NFKBID: variants seen among roughly 807,000 people sequenced by gnomAD.
NFKBID encodes the protein NFKB inhibitor delta.
Under a neutral mutation model 53.4 loss-of-function variants are expected in NFKBID, and 26 were observed. The ratio of observed to expected loss-of-function variants is 0.49; its 90% CI spans 0.36 to 0.68. NFKBID has a LOEUF of 0.68. NFKBID is among the 30% of genes least tolerant of loss of function. The probability of loss-of-function intolerance (pLI) is 0.00; values close to 1 mark genes in which losing one functional copy is unlikely to be tolerated. For missense variants in NFKBID, 493 were observed against 614.1 expected, an observed-to-expected ratio of 0.80 and a Z score of 2.08; for synonymous variants, 262 against 259.8, an observed-to-expected ratio of 1.01 and a Z score of -0.08.
intron 3 of NFKBID, 78 bp from the exon 4 acceptor site, chr19:35,897,934 C>A: frequency 2.0e-6 from 2 of 993,276 alleles, no homozygotes; most frequent in Non-Finnish European, 1.5e-6. Flanking sequence ...GAGGGCCTGG[C>A]GTCTCCCAAG....
At chr19:35,901,554 C>G (rs1975566846), upstream of NFKBID, 1 of 152,562 alleles carries the variant, frequency 6.6e-6, no homozygotes, top group Non-Finnish European at 1.5e-5. Flanking sequence ...CTATTTCTCC[C>G]CTGCTTGCTT....
chr19:35,896,845 G>A lies in NFKBID; in HGVS notation c.579-14C>T, dbSNP rs770903174. On this transcript the variant is annotated splice_polypyrimidine_tract_variant and intron_variant, in intron 5 of 11. Coordinates refer to ENST00000641389, the Ensembl canonical transcript of NFKBID. This position sits in a 1 kb window ranked among gnomAD's most constrained non-coding sequence, Gnocchi z 5.7. ...AGGTGAAGGAGCCTGAGGACAGGTG[G>A]GGGACAGCCGTGAGAACAGCCCCCA... The A allele has an allele frequency of 1.2e-6, 2 of 1,614,078 alleles. No homozygotes were observed. Among genetic ancestry groups the A allele is most frequent in the South Asian group, 1.1e-5 (1 of 91,072 alleles).
intron 1 of NFKBID, among the ~76,000 whole-genome samples, chr19:35,899,925 C>G (rs962950371): frequency 6.6e-6 from 1 of 152,060 alleles, no homozygotes; most frequent in Non-Finnish European, 1.5e-5. Context: ...GTGGAATCCC[C>G]GCGCAAGGGG....
At chr19:35,888,578 G>T in exon 12 of NFKBID, 5 of 1,571,484 alleles carry the variant, frequency 3.2e-6, no homozygotes, top group Non-Finnish European at 3.5e-6. Flanking sequence ...CAGGCCTGGC[G>T]GCGCCACACG....
At chr19:35,892,990 C>T (rs1434103457) in intron 9 of NFKBID, among the ~76,000 whole-genome samples, 1 of 151,800 alleles carries the variant, frequency 6.6e-6, no homozygotes, top group African/African-American at 2.4e-5. Context: ...CATAGTGAGA[C>T]CCCCCCTCTC....
At chr19:35,900,831 T>TTC (rs1975533487), upstream of NFKBID, among the ~76,000 whole-genome samples, 1 of 125,870 alleles carries the variant, frequency 7.9e-6, no homozygotes, top group East Asian at 2.5e-4. Context: ...TCTTTTCTTT[T>TTC]TTTTTTTTTT....
chr19:35,892,944 C>G lies in NFKBID; in HGVS notation c.1033-2454G>C, dbSNP rs551171881. Among the ~76,000 whole-genome samples the G allele has an allele frequency of 4.6e-5, 7 of 152,278 alleles. No individual in the cohort carries two copies. The South Asian group carries it at 1.5e-3, about 32-fold the overall frequency. On this transcript the variant is annotated intron_variant, in intron 9 of 11. Coordinates refer to ENST00000641389, the Ensembl canonical transcript of NFKBID. The stretch of plus-strand genomic sequence containing the variant: ...ACTTGGGAGGCCAAGGCTGGGGGAT[C>G]ACTTGGGCCCAGGAGTTCGAGACCA...
chr19:35,890,594 T>G (rs778822975), intron 9 of NFKBID, 104 bp from the exon 10 acceptor site: 1 of 825,296 alleles, frequency 1.2e-6, no homozygotes, highest in African/African-American at 1.7e-5. Flanking sequence ...CGGAGTGCGG[T>G]GGTTCACGCC....
chr19:35,899,088 G>A (rs1975394156), intron 1 of NFKBID, among the ~76,000 whole-genome samples: 1 of 152,088 alleles, frequency 6.6e-6, no homozygotes. Flanking sequence ...GGGGGAGGAG[G>A]GCACCCCTCT....
intron 9 of NFKBID, among the ~76,000 whole-genome samples, chr19:35,891,969 A>G (rs71354107): frequency 2.0e-5 from 3 of 152,196 alleles, no homozygotes; most frequent in African/African-American, 4.8e-5. Flanking sequence ...TGTAGCCTCA[A>G]CCTACTGGGC....
chr19:35,896,066 A>T lies in NFKBID; in HGVS notation c.946T>A (p.Cys316Ser). ...GCCTGTGTGCTCAGCACCCGGGGAC[A>T]GAGGTCGGAAGGGCGCATAGCAACG... The change falls in exon 9 of 12, where the codon TGT becomes AGT. Residue 316 changes from cysteine (C) to serine (S), a missense_variant. Cys to Ser is a moderately radical substitution (Grantham distance 112). Around this residue, in one of 2 missense-constraint regions of NFKBID, gnomAD observed 267 missense variants for 384.6 expected, o/e 0.69. Transcript: ENST00000641389. The surrounding 1 kb of genome is among the most constrained non-coding windows in gnomAD (Gnocchi z 5.7). The T allele has an allele frequency of 6.2e-7, 1 of 1,614,182 alleles. No individual in the cohort carries two copies. Among genetic ancestry groups the T allele is most frequent in the South Asian group, 1.1e-5 (1 of 91,086 alleles).
intron 4 of NFKBID, 172 bp downstream of exon 4, chr19:35,897,479 A>G: frequency 4.6e-6 from 3 of 654,564 alleles, no homozygotes; most frequent in Non-Finnish European, 8.4e-6. Context: ...CCTGACCTCA[A>G]GTGATCCGCC....
chr19:35,897,316 G>A (rs918539226), intron 4 of NFKBID, among the ~76,000 whole-genome samples: 1 of 151,868 alleles, frequency 6.6e-6, no homozygotes, highest in African/African-American at 2.4e-5. Flanking sequence ...GTGCAGCAGT[G>A]CAATCTCTAC....
exon 12 of NFKBID, chr19:35,888,340 AATC>A: frequency 1.8e-6 from 1 of 549,594 alleles, no homozygotes. Flanking sequence ...ATTTCACAGA[AATC>A]ATCAAGAGGG....
intron 3 of NFKBID, 57 bp downstream of exon 3, chr19:35,898,415 G>A (rs1343854291): frequency 9.0e-7 from 1 of 1,116,718 alleles, no homozygotes; most frequent in East Asian, 2.6e-5. Flanking sequence ...TGAGAGCTGC[G>A]ATGTCTGAGT....
chr19:35,894,810 A>G (rs1241530939), intron 9 of NFKBID, among the ~76,000 whole-genome samples: 1 of 151,916 alleles, frequency 6.6e-6, no homozygotes, highest in Non-Finnish European at 1.5e-5. Flanking sequence ...CCTGACCAAC[A>G]TGGAGAAACC....
At chr19:35,888,451 G>A in exon 12 of NFKBID, 1 of 820,876 alleles carries the variant, frequency 1.2e-6, no homozygotes, top group South Asian at 1.5e-5. Context: ...AAACCCCAAT[G>A]GCAGGATATT....
In NFKBID at chr19:35,889,847, G is replaced by A. The variant is rs200508140; in HGVS notation, c.1314+43C>T. On this transcript the variant is annotated intron_variant, in intron 11 of 11. Transcript: ENST00000641389. The stretch of plus-strand genomic sequence containing the variant: ...GGCAGGGAGGTCATCCCGCGCCCGC[G>A]AGCTCAGAGGCCACTCTACAGGCAG... The A allele has an allele frequency of 7.4e-4, 1,156 of 1,557,120 alleles. 10 individuals carry two copies. The African/African-American group carries it at 0.013, about 18-fold the overall frequency.
chr19:35,895,621 G>A (rs1027047527), intron 9 of NFKBID, among the ~76,000 whole-genome samples: 3 of 151,982 alleles, frequency 2.0e-5, no homozygotes, highest in Non-Finnish European at 4.4e-5. Flanking sequence ...GACCAATGTG[G>A]AGAAAGCCTG....
Sources: gnomAD v4.1 joint callset for allele counts (sites outside exome capture counted in the v4.1 genomes callset) on GRCh38, gnomAD v4.1.1 for gene constraint, gnomAD v4.1.1 regional missense constraint, Gnocchi (gnomAD v3.1) non-coding constraint, MANE v1.5 for transcripts, NCBI Gene and HGNC (gene_info 2026-07-23, HGNC 2026-07-21) for gene names.